PPM1G: variants seen among roughly 807,000 people sequenced by gnomAD.
PPM1G encodes the protein protein phosphatase, Mg2+/Mn2+ dependent 1G.
Under a neutral mutation model 59.4 loss-of-function variants are expected in PPM1G, and 12 were observed. The ratio of observed to expected loss-of-function variants is 0.20; its 90% confidence interval spans 0.13 to 0.33. The LOEUF (loss-of-function observed/expected upper bound fraction) is 0.33, where lower values mean the gene tolerates loss of function less well. Among genes scored for constraint, PPM1G ranks in the 10% least tolerant of loss-of-function variants. PPM1G has a pLI of 1.00. For synonymous variants in PPM1G, 245 were observed against 251.9 expected, an observed-to-expected ratio of 0.97 and a Z score of 0.26; for missense variants, 392 against 681.3, an observed-to-expected ratio of 0.58 and a Z score of 4.73.
chr2:27,384,210 CA>C lies in PPM1G; in HGVS notation c.826-119del. The C allele has an allele frequency of 6.6e-7, 1 of 1,505,716 alleles. No individual in the cohort carries two copies. The highest frequency in any genetic ancestry group is 9.0e-7 in the Non-Finnish European group (1 of 1,115,276). 93.3% of individuals were successfully genotyped at this position (1,505,716 alleles called of 1,614,324 possible). ...CAGGTCCTCAAAACACTGAAAGATA[CA>C]AGTATATGGTCATGAAAATTGGGGG... On this transcript the variant is annotated intron_variant, in intron 5 of 9. Coordinates refer to ENST00000344034, the MANE Select transcript of PPM1G (RefSeq NM_177983.3). The surrounding 1 kb of genome is among the most constrained non-coding windows in gnomAD (Gnocchi z 4.8).
At chr2:27,387,784 CTTTA>C (rs1009238639) in intron 1 of PPM1G, among the ~76,000 whole-genome samples, 12 of 152,008 alleles carry the variant, frequency 7.9e-5, no homozygotes, top group South Asian at 4.2e-4. Context: ...CTGTACACAG[CTTTA>C]TTTATTTATT....
chr2:27,403,320 C>T (rs1047578819), intron 1 of PPM1G, among the ~76,000 whole-genome samples: 2 of 151,930 alleles, frequency 1.3e-5, no homozygotes, highest in African/African-American at 4.8e-5. Flanking sequence ...GTGGCGAGTG[C>T]CTGTAATCCC....
At chr2:27,394,926 A>C (rs564312192) in intron 1 of PPM1G, among the ~76,000 whole-genome samples, 29 of 151,994 alleles carry the variant, frequency 1.9e-4, no homozygotes, top group Admixed American at 4.6e-4. Flanking sequence ...GGAACTATTA[A>C]AAATAATAAT....
rs1177167179 is a variant in PPM1G at position 27,409,345 on chromosome 2, G to A, written c.78C>T (p.Pro26=). Residue 26 remains proline (P), a synonymous_variant, in exon 1 of 10, where the codon CCC becomes CCT. Coordinates refer to ENST00000344034, the MANE Select transcript of PPM1G (RefSeq NM_177983.3). The part of the protein sequence containing the change: ...DGVGAPRLPL[P]YGFSAMQGWR... ...AGCCTTGCATGGCGGAGAAGCCGTA[G>A]GGCAGCGGCAGGCGCGGGGCGCCGA... The A allele has an allele frequency of 5.8e-6, 9 of 1,544,044 alleles. No individual in the cohort carries two copies. The highest frequency in any genetic ancestry group is 7.9e-6 in the Non-Finnish European group (9 of 1,144,612).
chr2:27,403,352 A>G (rs1684229549), intron 1 of PPM1G, among the ~76,000 whole-genome samples: 1 of 151,958 alleles, frequency 6.6e-6, no homozygotes, highest in Non-Finnish European at 1.5e-5. Context: ...AGGCTGGGGT[A>G]GGCAAATTGC....
At position 27,383,231 on chromosome 2, in the gene PPM1G, A is replaced by G. The variant is rs2384629; in HGVS notation, c.1201+135T>C. On this transcript the variant is annotated intron_variant, in intron 7 of 9. Coordinates refer to ENST00000344034, the MANE Select transcript of PPM1G (RefSeq NM_177983.3). This position sits in a 1 kb window ranked among gnomAD's most constrained non-coding sequence, Gnocchi z 5.0. ...TCTACCCATCTTAGTTATTTCACAG[A>G]AATATAAGAACAGAGGTAGTAGATA... is the stretch of plus-strand genomic sequence containing the variant. The G allele has an allele frequency of 0.98, 679,123 of 696,350 alleles. 331,233 individuals carry two copies. Among genetic ancestry groups the G allele is most frequent in the East Asian group, 1 (37,945 of 37,948 alleles). The allele number at this position is 696,350 out of a possible 1,614,324, so 43.1% of individuals were successfully genotyped here. A position where few individuals can be genotyped will look rare whatever the true frequency, so the allele number is the denominator to read the frequency against.
In PPM1G at chr2:27,404,536, C is replaced by T. The variant is rs142001111; in HGVS notation, c.120+4767G>A. Among the ~76,000 whole-genome samples, 152 of 150,824 alleles carry T rather than the reference C, an allele frequency of 1.0e-3. 1 individual carries two copies. The highest frequency in any genetic ancestry group is 7.1e-4 in the Non-Finnish European group (48 of 67,780). On this transcript the variant is annotated intron_variant, in intron 1 of 9. Transcript: ENST00000344034. ...CTACACTCCAGCCCGGGTGACAATG[C>T]GAGACTCCGTTTCAAAAAAAAAAAA...
At position 27,409,521 on chromosome 2, in the gene PPM1G, G is replaced by C; in HGVS notation, c.-99C>G. 1 of 1,322,494 alleles carries C rather than the reference G, an allele frequency of 7.6e-7. No homozygotes were observed. The highest frequency in any genetic ancestry group is 9.7e-7 in the Non-Finnish European group (1 of 1,034,932). 81.9% of individuals were successfully genotyped at this position (1,322,494 alleles called of 1,614,324 possible). On this transcript the variant is annotated 5_prime_UTR_variant, in exon 1 of 10. Coordinates refer to ENST00000344034, the MANE Select transcript of PPM1G (RefSeq NM_177983.3). ...TGCGCGCGGCAGGAGCAGGCCCCGC[G>C]GCGCGACCGACGCAAGGTGCCGGTG...
intron 1 of PPM1G, among the ~76,000 whole-genome samples, chr2:27,390,652 T>G (rs913145985): frequency 2.6e-5 from 4 of 152,136 alleles, no homozygotes; most frequent in African/African-American, 9.7e-5. Context: ...AGTTTTTTTT[T>G]TATTTTTCAA....
chr2:27,406,843 G>A (rs939839618), intron 1 of PPM1G, among the ~76,000 whole-genome samples: 4 of 152,122 alleles, frequency 2.6e-5, no homozygotes, highest in African/African-American at 9.7e-5. Context: ...TTTACTGCGA[G>A]ATGGAATATT....
At chr2:27,394,091 T>G (rs1683986364) in intron 1 of PPM1G, among the ~76,000 whole-genome samples, 1 of 150,946 alleles carries the variant, frequency 6.6e-6, no homozygotes, top group African/African-American at 2.4e-5. Flanking sequence ...GAGATGGGGT[T>G]TCACCATATT....
Position 27,387,165 on chromosome 2 carries a change from AAAG to A in PPM1G, c.121-10_121-8del, listed in dbSNP as rs770743044. On this transcript the variant is annotated splice_polypyrimidine_tract_variant and splice_region_variant and intron_variant, in intron 1 of 9. Transcript: ENST00000344034. The stretch of plus-strand genomic sequence containing the variant: ...GAATACAGTTGTGAGCATCCTAGGA[AAAG>A]AAGAGCATAATCGGCATGTCTCAAG... 1.2e-6 allele frequency: 2 copies of A among 1,607,684 alleles called. No individual in the cohort carries two copies. The highest frequency in any genetic ancestry group is 2.7e-5 in the African/African-American group (2 of 74,786).
intron 1 of PPM1G, among the ~76,000 whole-genome samples, chr2:27,403,399 T>C (rs1373591162): frequency 1.3e-5 from 2 of 151,204 alleles, no homozygotes; most frequent in African/African-American, 4.9e-5. Flanking sequence ...TGAGCCGAGA[T>C]GGCACCATTG....
intron 1 of PPM1G, among the ~76,000 whole-genome samples, chr2:27,396,914 G>T (rs1684066280): frequency 6.6e-6 from 1 of 151,898 alleles, no homozygotes. Context: ...TTGTTGCCCA[G>T]GCTGGAGTAC....
intron 1 of PPM1G, 84 bp downstream of exon 1, chr2:27,409,219 C>G: frequency 6.8e-7 from 1 of 1,479,658 alleles, no homozygotes; most frequent in South Asian, 1.3e-5. Context: ...GGACCCTTCC[C>G]AGGGGAGGAC....
chr2:27,392,105 A>T (rs1683918510), intron 1 of PPM1G, among the ~76,000 whole-genome samples: 1 of 151,650 alleles, frequency 6.6e-6, no homozygotes, highest in Admixed American at 6.6e-5. Flanking sequence ...AAAAAAAAAA[A>T]TCAAGAGCTT....
In PPM1G at chr2:27,383,262, G is replaced by A; in HGVS notation, c.1201+104C>T. 1 of 969,640 alleles carries A rather than the reference G, an allele frequency of 1.0e-6. No homozygotes were observed. The highest frequency in any genetic ancestry group is 1.6e-6 in the Non-Finnish European group (1 of 629,354). 60.1% of individuals were successfully genotyped at this position (969,640 alleles called of 1,614,324 possible). A position where few individuals can be genotyped will look rare whatever the true frequency, so the allele number is the denominator to read the frequency against. ...AAGAACAGAGGTAGTAGATATTAAA[G>A]TGCTTTGAAAGGCACAAGCACTAGG... On this transcript the variant is annotated intron_variant, in intron 7 of 9. Coordinates refer to ENST00000344034, the MANE Select transcript of PPM1G (RefSeq NM_177983.3). This position sits in a 1 kb window ranked among gnomAD's most constrained non-coding sequence, Gnocchi z 5.0.
At chr2:27,394,984 C>T (rs962182775) in intron 1 of PPM1G, among the ~76,000 whole-genome samples, 5 of 152,056 alleles carry the variant, frequency 3.3e-5, no homozygotes, top group Admixed American at 6.6e-5. Context: ...AATCCCAACA[C>T]TTTGGGAGGC....
intron 1 of PPM1G, among the ~76,000 whole-genome samples, chr2:27,406,925 A>C (rs904673367): frequency 3.2e-4 from 48 of 152,156 alleles, no homozygotes; most frequent in African/African-American, 8.4e-4. Context: ...CTTTACAAAA[A>C]GACTTTCCTA....
Sources: allele counts gnomAD v4.1 joint callset (sites outside exome capture counted in the v4.1 genomes callset), GRCh38; gene constraint gnomAD v4.1.1; non-coding constraint Gnocchi (gnomAD v3.1); transcripts MANE v1.5; gene names NCBI Gene and HGNC (gene_info 2026-07-23, HGNC 2026-07-21).